The following WDR7 variants were observed in gnomAD, a reference collection of about 807,000 sequenced individuals.
The protein encoded by WDR7 is WD repeat-containing protein 7.
A neutral mutation model predicts 169.4 loss-of-function variants in WDR7; 46 were observed. The observed-to-expected ratio is 0.27, with a 90% confidence interval of 0.21 to 0.35. The LOEUF (loss-of-function observed/expected upper bound fraction) is 0.35. Among genes scored for constraint, WDR7 ranks in the 10% least tolerant of loss-of-function variants. The pLI is 1.00. For synonymous variants in WDR7, 612 were observed against 666.8 expected, an observed-to-expected ratio of 0.92 and a Z score of 1.27; for missense variants, 1,534 against 1,859.3, an observed-to-expected ratio of 0.83 and a Z score of 3.22.
At chr18:56,956,156 A>G (rs538463932) in intron 25 of WDR7, among the ~76,000 whole-genome samples, 24 of 152,278 alleles carry the variant, frequency 1.6e-4, no homozygotes, top group Middle Eastern at 3.4e-3. Flanking sequence ...AGTGTCTGTC[A>G]CCATCCCAGA....
chr18:56,931,518 CTG>C (rs2046884019), intron 22 of WDR7, among the ~76,000 whole-genome samples: 3 of 152,122 alleles, frequency 2.0e-5, no homozygotes, highest in African/African-American at 7.2e-5. Context: ...TACTGTGTAA[CTG>C]TGGAGCTACC....
intron 20 of WDR7, among the ~76,000 whole-genome samples, chr18:56,820,596 T>C (rs908261728): frequency 6.6e-6 from 1 of 152,112 alleles, no homozygotes; most frequent in African/African-American, 2.4e-5. Context: ...GTGTATTTAG[T>C]GCTGACAGAA....
intron 26 of WDR7, among the ~76,000 whole-genome samples, chr18:57,018,953 C>A (rs564176273): frequency 6.6e-5 from 10 of 152,146 alleles, no homozygotes; most frequent in Non-Finnish European, 1.3e-4. Context: ...CAGAATAGTT[C>A]ATGTTAAGCT....
chr18:56,868,153 A>C (rs1365409122), intron 20 of WDR7, among the ~76,000 whole-genome samples: 1 of 152,176 alleles, frequency 6.6e-6, no homozygotes, highest in African/African-American at 2.4e-5. Flanking sequence ...AAAATAACGT[A>C]AAATAAGGTG....
chr18:57,018,362 A>C (rs1057180100), intron 26 of WDR7, among the ~76,000 whole-genome samples: 16 of 152,346 alleles, frequency 1.1e-4, no homozygotes, highest in Non-Finnish European at 2.4e-4. Context: ...TTTTGAATCA[A>C]ATATTTGTAA....
intron 14 of WDR7, among the ~76,000 whole-genome samples, chr18:56,755,616 A>G (rs1235212611): frequency 1.3e-5 from 2 of 152,326 alleles, no homozygotes; most frequent in South Asian, 2.1e-4. Flanking sequence ...GTACTGTGGG[A>G]TATCCCAATA....
intron 20 of WDR7, among the ~76,000 whole-genome samples, chr18:56,843,435 C>T (rs1258683297): frequency 2.0e-5 from 3 of 152,126 alleles, no homozygotes; most frequent in African/African-American, 7.2e-5. Flanking sequence ...ATGAATTTGG[C>T]TAATGTAGGT....
chr18:56,950,672 G>C (rs2047168840), intron 25 of WDR7, among the ~76,000 whole-genome samples: 1 of 152,160 alleles, frequency 6.6e-6, no homozygotes, highest in Non-Finnish European at 1.5e-5. Flanking sequence ...AGGTAGGCTA[G>C]ATTTCAGGAA....
intron 21 of WDR7, among the ~76,000 whole-genome samples, chr18:56,912,025 A>C (rs1343782179): frequency 6.6e-6 from 1 of 152,216 alleles, no homozygotes; most frequent in Non-Finnish European, 1.5e-5. Flanking sequence ...GGGGAGGTAC[A>C]TTGACACCAT....
intron 26 of WDR7, among the ~76,000 whole-genome samples, chr18:56,979,772 ATTATT>A (rs112805993): frequency 0.059 from 8,954 of 152,266 alleles, 847 homozygotes; most frequent in African/African-American, 0.2. Context: ...ATTATGAGGC[ATTATT>A]ACTAATGCCT....
rs1054651449 is a variant in WDR7 at position 56,679,361 on chromosome 18, T to A, written c.189T>A (p.His63Gln). Residue 63 changes from histidine to glutamine, a missense_variant, in exon 3 of 28, where the codon CAT (histidine) becomes CAA (glutamine). Coordinates refer to ENST00000254442, the MANE Select transcript of WDR7 (RefSeq NM_015285.3). ...QINPRALLFG[H>Q]TASITCLSKA... ...ATCCTCGAGCACTGTTGTTTGGTCATACAGCATCAATCACTTGTTTGTCTA... is the reference window on the plus strand; with the variant it reads ...ATCCTCGAGCACTGTTGTTTGGTCAAACAGCATCAATCACTTGTTTGTCTA... 71 of 1,612,416 alleles carry A rather than the reference T, an allele frequency of 4.4e-5. No homozygotes were observed. Among genetic ancestry groups the A allele is most frequent in the Non-Finnish European group, 5.6e-5 (66 of 1,178,668 alleles).
chr18:56,781,239 A>C (rs752493849), intron 18 of WDR7, among the ~76,000 whole-genome samples: 19 of 152,346 alleles, frequency 1.2e-4, no homozygotes, highest in Admixed American at 3.9e-4. Flanking sequence ...TGGAAAATGC[A>C]GTTTTAAAGT....
At chr18:56,794,116 C>A (rs972510420) in intron 19 of WDR7, among the ~76,000 whole-genome samples, 1 of 151,886 alleles carries the variant, frequency 6.6e-6, no homozygotes, top group Non-Finnish European at 1.5e-5. Flanking sequence ...ATATATCAAA[C>A]GTAGAGAAAG....
intron 26 of WDR7, among the ~76,000 whole-genome samples, chr18:56,971,267 G>A (rs543609741): frequency 2.1e-4 from 30 of 140,278 alleles, no homozygotes; most frequent in South Asian, 2.0e-3. Context: ...CGACAAGAGC[G>A]AAATTCTGTC....
At chr18:57,017,977 T>C (rs2048230746) in intron 26 of WDR7, among the ~76,000 whole-genome samples, 1 of 152,336 alleles carries the variant, frequency 6.6e-6, no homozygotes, top group African/African-American at 2.4e-5. Context: ...GCAAATATGG[T>C]CCCAGTGAGT....
intron 27 of WDR7, among the ~76,000 whole-genome samples, chr18:57,024,157 C>G (rs1185743224): frequency 6.6e-6 from 1 of 151,934 alleles, no homozygotes. Context: ...TTGTACTTTT[C>G]TTTATTATTT....
intron 21 of WDR7, among the ~76,000 whole-genome samples, chr18:56,904,776 A>C (rs1568258885): frequency 6.6e-6 from 1 of 152,162 alleles, no homozygotes; most frequent in African/African-American, 2.4e-5. Flanking sequence ...ACCTTCAATT[A>C]ACCCTTTTTT....
chr18:56,801,326 T>C (rs374789268), intron 19 of WDR7, among the ~76,000 whole-genome samples: 2 of 152,222 alleles, frequency 1.3e-5, no homozygotes, highest in East Asian at 3.9e-4. Context: ...TTGGCCTGTT[T>C]TCCAAAGTTA....
intron 20 of WDR7, among the ~76,000 whole-genome samples, chr18:56,816,974 C>G (rs1451539004): frequency 6.6e-6 from 1 of 151,808 alleles, no homozygotes. Context: ...GAAGTACGCC[C>G]AGAAAATATT....
Sources: allele counts gnomAD v4.1 joint callset (sites outside exome capture counted in the v4.1 genomes callset), GRCh38; gene constraint gnomAD v4.1.1; transcripts MANE v1.5; gene names NCBI Gene and HGNC (gene_info 2026-07-23, HGNC 2026-07-21).